APAF1: variants seen among roughly 807,000 people sequenced by gnomAD.
The protein encoded by APAF1 is apoptotic protease-activating factor 1.
APAF1 carries 91 observed loss-of-function variants against 152.4 expected under a neutral mutation model. The observed-to-expected ratio is 0.60, with a 90% confidence interval of 0.50 to 0.71. The LOEUF (loss-of-function observed/expected upper bound fraction) is 0.71. Ranked by LOEUF, APAF1 falls within the 30% of genes least tolerant of loss-of-function variation. APAF1 has a pLI of 0.00. For synonymous variants in APAF1, 484 were observed against 494.1 expected (o/e 0.98, Z 0.27); for missense variants, 1,283 against 1,472.0 (o/e 0.87, Z 2.10).
At chr12:98,715,997 T>C (rs1160551309) in intron 22 of APAF1, among the ~76,000 whole-genome samples, 1 of 152,248 alleles carries the variant, frequency 6.6e-6, no homozygotes, top group Non-Finnish European at 1.5e-5. Context: ...ATTGTGGATA[T>C]GGAGGCCTAA....
chr12:98,686,988 A>G (rs2097698676), intron 16 of APAF1, 115 bp downstream of exon 16: 1 of 1,042,042 alleles, frequency 9.6e-7, no homozygotes, highest in African/African-American at 1.6e-5. Context: ...TGCTTCTTTC[A>G]ATTTCCAGGA....
Position 98,732,951 on chromosome 12 carries a change from G to C in APAF1, c.*385G>C, listed in dbSNP as rs888820689. The C allele has an allele frequency of 9.1e-6, 2 of 220,136 alleles. No individual in the cohort carries two copies. The highest frequency in any genetic ancestry group is 2.4e-5 in the African/African-American group (1 of 42,268). The allele number at this position is 220,136 out of a possible 1,614,324, so 13.6% of individuals were successfully genotyped here. The stretch of plus-strand genomic sequence containing the variant: ...TACTGTTATGCAGGCTGTGCCTCAG[G>C]GTAGCAGTGGCCTGCTTTTTGAACC... On this transcript the variant is annotated 3_prime_UTR_variant, in exon 27 of 27. Transcript: ENST00000551964.
chr12:98,694,558 A>G (rs1488823717), intron 16 of APAF1, among the ~76,000 whole-genome samples: 1 of 151,900 alleles, frequency 6.6e-6, no homozygotes, highest in East Asian at 1.9e-4. Context: ...TTCTGCTACC[A>G]TATTTTTAAG....
At chr12:98,676,016 C>T (rs967338725) in intron 12 of APAF1, among the ~76,000 whole-genome samples, 1 of 152,132 alleles carries the variant, frequency 6.6e-6, no homozygotes, top group Admixed American at 6.5e-5. Context: ...GTAATTTGCT[C>T]ATTTACACAC....
intron 10 of APAF1, 38 bp from the exon 11 acceptor site, chr12:98,670,935 C>CT (rs2097679367): frequency 1.5e-6 from 2 of 1,356,640 alleles, no homozygotes; most frequent in African/African-American, 1.4e-5. Context: ...TTTTTGATCT[C>CT]TAACAGTGCT....
At chr12:98,726,077 T>C (rs2097750137) in intron 25 of APAF1, among the ~76,000 whole-genome samples, 1 of 152,184 alleles carries the variant, frequency 6.6e-6, no homozygotes, top group Non-Finnish European at 1.5e-5. Flanking sequence ...GGGCTCCTAA[T>C]TGAGTCACAG....
At position 98,720,741 on chromosome 12, in the gene APAF1, G is replaced by A. The variant is rs182951511; in HGVS notation, c.3085-2452G>A. On this transcript the variant is annotated intron_variant, in intron 22 of 26. Coordinates refer to ENST00000551964, the MANE Select transcript of APAF1 (RefSeq NM_181861.2). Reference sequence around the variant, plus strand: ...GGCACTTTGGGAGGCCGAGGCGGGCGGATCACGAGGTCAGGAGATCGAGAC... The same window carrying A: ...GGCACTTTGGGAGGCCGAGGCGGGCAGATCACGAGGTCAGGAGATCGAGAC... 2.8e-3 allele frequency among the ~76,000 whole-genome samples: 431 copies of A among 152,232 alleles called. 9 individuals carry two copies. The East Asian group carries it at 0.047, about 17-fold the overall frequency.
chr12:98,707,096 T>A (rs2097722178), intron 19 of APAF1, among the ~76,000 whole-genome samples: 2 of 151,914 alleles, frequency 1.3e-5, no homozygotes, highest in East Asian at 1.9e-4. Context: ...TCTAAGATAT[T>A]TTTTTTTCAT....
intron 7 of APAF1, among the ~76,000 whole-genome samples, 166 bp from the exon 8 acceptor site, chr12:98,665,387 T>C (rs1010324128): frequency 2.0e-5 from 3 of 151,390 alleles, no homozygotes; most frequent in African/African-American, 7.3e-5. Flanking sequence ...ATTTCTAATT[T>C]TTTTTGGGAT....
At chr12:98,684,737 T>TA (rs889749851) in intron 15 of APAF1, among the ~76,000 whole-genome samples, 24 of 150,694 alleles carry the variant, frequency 1.6e-4, no homozygotes, top group Middle Eastern at 3.4e-3. Flanking sequence ...AATGTACCAC[T>TA]AAAAAAAAAT....
At chr12:98,725,282 C>T (rs2097748808) in intron 24 of APAF1, 133 bp from the exon 25 acceptor site, 3 of 1,116,220 alleles carry the variant, frequency 2.7e-6, no homozygotes, top group Non-Finnish European at 3.9e-6. Flanking sequence ...GGAACTTGGG[C>T]ATCTCATGAC....
chr12:98,647,655 C>T (rs1035018808), intron 1 of APAF1, among the ~76,000 whole-genome samples: 1 of 151,822 alleles, frequency 6.6e-6, no homozygotes, highest in Non-Finnish European at 1.5e-5. Flanking sequence ...CAGGCATGAG[C>T]CACTGCGCCC....
At chr12:98,726,853 G>GT (rs1365818740) in intron 25 of APAF1, 2 of 286,496 alleles carry the variant, frequency 7.0e-6, no homozygotes, top group Non-Finnish European at 1.3e-5. Flanking sequence ...TTACTGAACT[G>GT]TTTCTAATGA....
In APAF1 at chr12:98,667,520, A is replaced by G; in HGVS notation, c.1370A>G (p.His457Arg). ...EKNCSQLQDL[H>R]KKIITQFQRY... ...CGTTTCATTGGGTTGCAGGATCTAC[A>G]TAAGAAGATAATCACTCAGTTTCAG... is the stretch of plus-strand genomic sequence containing the variant. Residue 457 changes from histidine (H) to arginine (R), a missense_variant, in exon 10 of 27, where the codon CAT becomes CGT. Transcript: ENST00000551964. 6.2e-7 allele frequency: 1 copy of G among 1,613,834 alleles called. No individual in the cohort carries two copies. The highest frequency in any genetic ancestry group is 8.5e-7 in the Non-Finnish European group (1 of 1,179,942).
chr12:98,701,014 C>G (rs934826874), intron 17 of APAF1, among the ~76,000 whole-genome samples: 3 of 151,434 alleles, frequency 2.0e-5, no homozygotes, highest in African/African-American at 7.3e-5. Flanking sequence ...TCTTACAAAC[C>G]AGTGTTTATT....
intron 15 of APAF1, among the ~76,000 whole-genome samples, chr12:98,685,577 G>A (rs1202702309): frequency 6.6e-6 from 1 of 151,800 alleles, no homozygotes; most frequent in African/African-American, 2.4e-5. Context: ...TCTTGTGATC[G>A]CCTGCCTCAG....
rs1328347633 is a variant in APAF1 at position 98,649,697 on chromosome 12, G to A, written c.526+13G>A. 3 of 1,611,122 alleles carry A rather than the reference G, an allele frequency of 1.9e-6. No individual in the cohort carries two copies. Among genetic ancestry groups the A allele is most frequent in the Non-Finnish European group, 2.5e-6 (3 of 1,177,750 alleles). ...TCCCTTTTAGAAGGTAAGTGTCTTA[G>A]TCCATTTCATAGTCTAGTAAGGTAG... On this transcript the variant is annotated intron_variant, in intron 4 of 26. Transcript: ENST00000551964.
At chr12:98,648,209 A>G (rs1268096267) in intron 1 of APAF1, 110 bp from the exon 2 acceptor site, 7 of 1,120,180 alleles carry the variant, frequency 6.2e-6, no homozygotes, top group Non-Finnish European at 9.1e-6. Flanking sequence ...AATTTTTGCC[A>G]AGGAAAAAAA....
At chr12:98,690,473 T>C (rs2097702974) in intron 16 of APAF1, among the ~76,000 whole-genome samples, 1 of 152,240 alleles carries the variant, frequency 6.6e-6, no homozygotes, top group South Asian at 2.1e-4. Flanking sequence ...TGGTTTTTAC[T>C]CAGTGAAAGA....
Sources: gnomAD v4.1 joint callset for allele counts (sites outside exome capture counted in the v4.1 genomes callset) on GRCh38, gnomAD v4.1.1 for gene constraint, MANE v1.5 for transcripts, NCBI Gene and HGNC (gene_info 2026-07-23, HGNC 2026-07-21) for gene names.